The following LTF variants were observed in gnomAD, a reference collection of about 807,000 sequenced individuals.
The protein encoded by LTF is epididymis luminal protein 110.
A neutral mutation model predicts 87.2 loss-of-function variants in LTF; 91 were observed. The ratio of observed to expected loss-of-function variants is 1.04; its 90% CI spans 0.88 to 1.24. The LOEUF (loss-of-function observed/expected upper bound fraction) is 1.24, where lower values mean the gene tolerates loss of function less well. Ranked by LOEUF, LTF falls within the 50% of genes most tolerant of loss-of-function variation. The pLI is 0.00. For missense variants in LTF, 901 were observed against 904.3 expected (o/e 1.00, Z 0.05); for synonymous variants, 378 against 356.1 (o/e 1.06, Z -0.69).
chr3:46,446,548 C>T (rs1174007731), intron 10 of LTF, 55 bp from the exon 11 acceptor site: 5 of 1,459,764 alleles, frequency 3.4e-6, no homozygotes, highest in Non-Finnish European at 4.8e-6. Context: ...TAGTGAGAAG[C>T]CACAAACTCT....
intron 15 of LTF, 61 bp from the exon 16 acceptor site, chr3:46,438,190 G>T: frequency 7.3e-7 from 1 of 1,367,332 alleles, no homozygotes; most frequent in Non-Finnish European, 1.0e-6. Flanking sequence ...GGTTAAAGGA[G>T]GCAAAGGGGT....
At position 46,435,874 on chromosome 3, in the gene LTF, T is replaced by C. The variant is rs1369866259; in HGVS notation, c.*321A>G. The C allele has an allele frequency of 1.6e-5, 6 of 377,514 alleles. No homozygotes were observed. Among genetic ancestry groups the C allele is most frequent in the Non-Finnish European group, 2.9e-5 (6 of 203,706 alleles). 23.4% of individuals were successfully genotyped at this position (377,514 alleles called of 1,614,324 possible). The stretch of plus-strand genomic sequence containing the variant: ...GCCTTAAATTCCAGACCCTTGGGCA[T>C]CATACCCAAGACTGCAAGAAAGAGG... On this transcript the variant is annotated 3_prime_UTR_variant, in exon 17 of 17. Transcript: ENST00000231751.
chr3:46,445,166 G>A (rs1439665361), intron 12 of LTF, 115 bp downstream of exon 12: 25 of 1,082,074 alleles, frequency 2.3e-5, no homozygotes, highest in Non-Finnish European at 3.3e-5. Context: ...GCTGGAAGAG[G>A]CCTGCAGGCC....
intron 14 of LTF, 113 bp from the exon 15 acceptor site, chr3:46,439,593 T>G (rs1031581808): frequency 2.3e-6 from 2 of 866,224 alleles, no homozygotes; most frequent in African/African-American, 3.4e-5. Flanking sequence ...ACTGGGGTTG[T>G]GGTGATGTGA....
Position 46,445,442 on chromosome 3 carries a change from A to G in LTF, c.1358-6T>C. 6.2e-7 allele frequency: 1 copy of G among 1,608,600 alleles called. No individual in the cohort carries two copies. The highest frequency in any genetic ancestry group is 1.1e-5 in the South Asian group (1 of 90,378). ...CACCGCCACAGCAAGATATCCTGGC[A>G]TAACAGATGACAGAAAAACAAGTCT... On this transcript the variant is annotated splice_region_variant and splice_polypyrimidine_tract_variant and intron_variant, in intron 11 of 16. Transcript: ENST00000231751.
intron 1 of LTF, among the ~76,000 whole-genome samples, chr3:46,461,109 A>G (rs1273190435): frequency 1.3e-5 from 2 of 152,262 alleles, no homozygotes; most frequent in Non-Finnish European, 2.9e-5. Flanking sequence ...ACGAAATATC[A>G]TTTCACAGCC....
chr3:46,447,247 A>T, intron 10 of LTF, 61 bp downstream of exon 10: 2 of 1,155,684 alleles, frequency 1.7e-6, no homozygotes, highest in Non-Finnish European at 2.6e-6. Flanking sequence ...GAATGGGATT[A>T]CTCATAGCCC....
At chr3:46,482,678 AGG>A (rs1333036846) in intron 1 of LTF, among the ~76,000 whole-genome samples, 2 of 120,794 alleles carry the variant, frequency 1.7e-5, no homozygotes, top group African/African-American at 6.7e-5. Flanking sequence ...GAAGGAAGGA[AGG>A]AAGGAAGGAA....
chr3:46,444,548 G>A (rs1559594808), intron 12 of LTF, among the ~76,000 whole-genome samples: 1 of 152,222 alleles, frequency 6.6e-6, no homozygotes, highest in Non-Finnish European at 1.5e-5. Flanking sequence ...GGAAAAGCTG[G>A]GAGTTCCCAT....
intron 13 of LTF, among the ~76,000 whole-genome samples, 191 bp downstream of exon 13, chr3:46,443,250 G>C (rs956438438): frequency 6.6e-6 from 1 of 152,348 alleles, no homozygotes; most frequent in East Asian, 1.9e-4. Context: ...GACAGCCCTG[G>C]TGCCAGCCTC....
intron 6 of LTF, among the ~76,000 whole-genome samples, chr3:46,451,108 G>A (rs758582642): frequency 2.0e-5 from 3 of 152,174 alleles, no homozygotes; most frequent in Admixed American, 2.0e-4. Context: ...AGGAAGGTGA[G>A]ACACTTTCCA....
Position 46,449,490 on chromosome 3 carries a change from C to A in LTF, c.1057+364G>T, listed in dbSNP as rs192792593. ...AGAGAAGGAGCCATAGCTGAGTTCC[C>A]CCACCATGGTGTCCCCAACTAAGTT... On this transcript the variant is annotated intron_variant, in intron 8 of 16. Transcript: ENST00000231751. 1.8e-4 allele frequency among the ~76,000 whole-genome samples: 28 copies of A among 152,306 alleles called. No homozygotes were observed. In the East Asian group the frequency reaches 5.4e-3, roughly 29 times the overall value.
In LTF at chr3:46,456,321, AG is replaced by A. The variant is rs1158653447; in HGVS notation, c.284del (p.Pro95LeufsTer2). 1 of 1,614,118 alleles carries A rather than the reference AG, an allele frequency of 6.2e-7. No individual in the cohort carries two copies. Among genetic ancestry groups the A allele is most frequent in the South Asian group, 1.1e-5 (1 of 91,082 alleles). ...CGGTCCCGTAGACTTCCGCCGCTAC[AG>A]GTCGCAGTTTGTAGGGGGCCAGGCC... ...EAGLAPYKLR[P>X]VAAEVYGTER... On this transcript the variant is annotated frameshift_variant, in exon 3 of 17. Transcript: ENST00000231751. LOFTEE classifies it high-confidence loss of function.
At chr3:46,450,430 A>G (rs1702774210) in intron 7 of LTF, 65 bp downstream of exon 7, 2 of 1,519,748 alleles carry the variant, frequency 1.3e-6, no homozygotes, top group African/African-American at 1.4e-5. Context: ...AAGTCAGGGA[A>G]GTAAGAAACC....
At chr3:46,438,405 C>G (rs1702438845) in intron 15 of LTF, among the ~76,000 whole-genome samples, 1 of 152,220 alleles carries the variant, frequency 6.6e-6, no homozygotes, top group Non-Finnish European at 1.5e-5. Context: ...GTGACCTTTT[C>G]CCATACAACT....
At chr3:46,456,959 G>A (rs1419918727) in intron 2 of LTF, among the ~76,000 whole-genome samples, 11 of 152,160 alleles carry the variant, frequency 7.2e-5, no homozygotes, top group East Asian at 5.8e-4. Context: ...GGATGAAACC[G>A]TTCCACCTCT....
upstream of LTF, among the ~76,000 whole-genome samples, chr3:46,467,085 G>A (rs919233375): frequency 6.6e-6 from 1 of 152,200 alleles, no homozygotes. Flanking sequence ...GAACAGCCCA[G>A]CCCCAGGGCA....
At chr3:46,481,776 C>T (rs1703434368) in intron 1 of LTF, among the ~76,000 whole-genome samples, 2 of 152,280 alleles carry the variant, frequency 1.3e-5, no homozygotes, top group African/African-American at 4.8e-5. Flanking sequence ...AACTAAAAAA[C>T]CACCAACAGA....
At position 46,461,647 on chromosome 3, in the gene LTF, A is replaced by C. The variant is rs568762101; in HGVS notation, c.44-1828T>G. Among the ~76,000 whole-genome samples, 6 of 152,308 alleles carry C rather than the reference A, an allele frequency of 3.9e-5. No homozygotes were observed. The South Asian group carries it at 1.2e-3, about 32-fold the overall frequency. The stretch of plus-strand genomic sequence containing the variant: ...GCTGGGGTAGAAATGAGGATTAACT[A>C]TAAACAGGCATGAGGGACCTTTACT... On this transcript the variant is annotated intron_variant, in intron 1 of 16. Transcript: ENST00000231751.
Sources: allele counts gnomAD v4.1 joint callset (sites outside exome capture counted in the v4.1 genomes callset), GRCh38; gene constraint gnomAD v4.1.1; transcripts MANE v1.5; gene names NCBI Gene and HGNC (gene_info 2026-07-23, HGNC 2026-07-21).